UST: variants seen among roughly 807,000 people sequenced by gnomAD.
UST encodes chondroitin sulfate 2-O-sulfotransferase.
Under a neutral mutation model 45.6 loss-of-function variants are expected in UST, and 21 were observed. The ratio of observed to expected loss-of-function variants is 0.46; its 90% CI spans 0.33 to 0.66. UST has a LOEUF of 0.66. UST is among the 30% of genes least tolerant of loss of function. The probability of loss-of-function intolerance (pLI) is 0.02; values close to 1 mark genes in which losing one functional copy is unlikely to be tolerated. For synonymous variants in UST, 215 were observed against 200.6 expected (o/e 1.07, Z -0.61); for missense variants, 463 against 512.4 (o/e 0.90, Z 0.93).
At chr6:149,060,657 T>A (rs1776640885) in intron 7 of UST, among the ~76,000 whole-genome samples, 1 of 152,152 alleles carries the variant, frequency 6.6e-6, no homozygotes, top group South Asian at 2.1e-4. Context: ...CCGACGGTAC[T>A]TCCTCTCCCA....
At chr6:148,766,805 A>T (rs913503093) in intron 1 of UST, among the ~76,000 whole-genome samples, 1 of 152,214 alleles carries the variant, frequency 6.6e-6, no homozygotes, top group Non-Finnish European at 1.5e-5. Flanking sequence ...GGGTAATTCT[A>T]ATATGCAACC....
chr6:148,919,417 CGTGTGTGT>C (rs71007929), intron 2 of UST, among the ~76,000 whole-genome samples: 15 of 148,130 alleles, frequency 1.0e-4, no homozygotes, highest in African/African-American at 2.8e-4. Context: ...GTGTCAGAGC[CGTGTGTGT>C]GTGTGTGTGT....
At chr6:148,921,572 T>C (rs1236477911) in intron 2 of UST, among the ~76,000 whole-genome samples, 3 of 152,152 alleles carry the variant, frequency 2.0e-5, no homozygotes, top group Admixed American at 1.3e-4. Context: ...ACAGGTATTG[T>C]GTTAGAATTA....
intron 1 of UST, among the ~76,000 whole-genome samples, chr6:148,769,913 A>ATTACATTT (rs771416364): frequency 2.3e-4 from 35 of 151,808 alleles, no homozygotes; most frequent in Non-Finnish European, 3.4e-4. Flanking sequence ...GATTATGTAA[A>ATTACATTT]TTACATTTTC....
intron 5 of UST, among the ~76,000 whole-genome samples, chr6:148,999,861 T>TG (rs1781515021): frequency 6.6e-6 from 1 of 152,220 alleles, no homozygotes; most frequent in African/African-American, 2.4e-5. Flanking sequence ...CCAATCAAGA[T>TG]GGTATACTGA....
At position 148,880,856 on chromosome 6, in the gene UST, C is replaced by T. The variant is rs145045840; in HGVS notation, c.248-6130C>T. 8.6e-3 allele frequency among the ~76,000 whole-genome samples: 1,314 copies of T among 151,992 alleles called. 13 individuals carry two copies. Among genetic ancestry groups the T allele is most frequent in the Non-Finnish European group, 0.011 (779 of 67,962 alleles). ...CATCCTGGCTAACATGGTGAAACCCCATCTCTACTAAAAATACAAAAAGTT... is the reference window on the plus strand; with the variant it reads ...CATCCTGGCTAACATGGTGAAACCCTATCTCTACTAAAAATACAAAAAGTT... On this transcript the variant is annotated intron_variant, in intron 1 of 7. Transcript: ENST00000367463.
chr6:149,003,769 A>G (rs1027852757), intron 5 of UST, among the ~76,000 whole-genome samples: 1 of 152,168 alleles, frequency 6.6e-6, no homozygotes, highest in African/African-American at 2.4e-5. Flanking sequence ...AGGCTGGAAG[A>G]GCATTGAATC....
intron 5 of UST, among the ~76,000 whole-genome samples, chr6:148,981,946 C>T (rs969867092): frequency 3.9e-5 from 6 of 152,122 alleles, no homozygotes; most frequent in African/African-American, 1.4e-4. Context: ...GTTCTGGAGA[C>T]TGCTAAGTCC....
intron 1 of UST, among the ~76,000 whole-genome samples, chr6:148,789,144 C>T (rs1028737360): frequency 1.3e-5 from 2 of 152,176 alleles, no homozygotes; most frequent in African/African-American, 4.8e-5. Flanking sequence ...ATTTAAGCTA[C>T]TAGGTTCTTG....
At chr6:148,833,778 C>T (rs1319288973) in intron 1 of UST, among the ~76,000 whole-genome samples, 2 of 152,182 alleles carry the variant, frequency 1.3e-5, no homozygotes, top group Non-Finnish European at 2.9e-5. Flanking sequence ...ATTCAACATG[C>T]ATGAATCTCA....
At chr6:148,882,108 C>T (rs780092005) in intron 1 of UST, among the ~76,000 whole-genome samples, 7 of 152,080 alleles carry the variant, frequency 4.6e-5, no homozygotes, top group African/African-American at 1.2e-4. Context: ...GTGAGATAAC[C>T]GAGATAACAG....
rs557826596 is a variant in UST at position 148,948,171 on chromosome 6, G to C, written c.448-5701G>C. Among the ~76,000 whole-genome samples, 12 of 152,336 alleles carry C rather than the reference G, an allele frequency of 7.9e-5. No homozygotes were observed. In the East Asian group the frequency reaches 2.3e-3, roughly 29 times the overall value. ...TACCCCATACTGTGGGAAGAGGGAA[G>C]GGTCACCGGAGCCTCCAGCCATCTT... is the stretch of plus-strand genomic sequence containing the variant. On this transcript the variant is annotated intron_variant, in intron 3 of 7. Coordinates refer to ENST00000367463, the MANE Select transcript of UST (RefSeq NM_005715.3).
chr6:148,753,257 G>A (rs1489387394), intron 1 of UST, among the ~76,000 whole-genome samples: 1 of 152,068 alleles, frequency 6.6e-6, no homozygotes, highest in East Asian at 1.9e-4. Flanking sequence ...ATCACCACAA[G>A]GAGAAACGCC....
intron 1 of UST, among the ~76,000 whole-genome samples, chr6:148,767,796 T>C (rs1398281653): frequency 6.6e-6 from 1 of 152,266 alleles, no homozygotes; most frequent in African/African-American, 2.4e-5. Flanking sequence ...TTTGGTTACA[T>C]GCTTCCTCCA....
intron 1 of UST, among the ~76,000 whole-genome samples, chr6:148,821,377 T>C (rs755810445): frequency 1.4e-4 from 22 of 152,274 alleles, no homozygotes; most frequent in Admixed American, 9.2e-4. Flanking sequence ...TATGCTGTCT[T>C]TTTTGTAGAA....
At chr6:148,962,678 T>C (rs1019224382) in intron 4 of UST, among the ~76,000 whole-genome samples, 4 of 152,182 alleles carry the variant, frequency 2.6e-5, no homozygotes, top group Non-Finnish European at 4.4e-5. Flanking sequence ...AAGATTCGCA[T>C]TGCAAGGCTA....
At chr6:148,757,138 C>T (rs1407226746) in intron 1 of UST, among the ~76,000 whole-genome samples, 1 of 152,254 alleles carries the variant, frequency 6.6e-6, no homozygotes, top group South Asian at 2.1e-4. Flanking sequence ...GCTGGGACTA[C>T]AGGCACAAGC....
intron 1 of UST, among the ~76,000 whole-genome samples, chr6:148,835,507 T>C (rs1178444853): frequency 6.6e-6 from 1 of 152,214 alleles, no homozygotes; most frequent in Non-Finnish European, 1.5e-5. Flanking sequence ...TGAATATTAG[T>C]CCCTGGTCAC....
At chr6:149,063,854 G>A (rs1776693657) in intron 7 of UST, among the ~76,000 whole-genome samples, 1 of 152,216 alleles carries the variant, frequency 6.6e-6, no homozygotes, top group Admixed American at 6.5e-5. Flanking sequence ...CTCTTTGGAA[G>A]AACAGCTAAA....
Sources: allele counts gnomAD v4.1 joint callset (sites outside exome capture counted in the v4.1 genomes callset), GRCh38; gene constraint gnomAD v4.1.1; transcripts MANE v1.5; gene names NCBI Gene and HGNC (gene_info 2026-07-23, HGNC 2026-07-21).